TMEM38A: variants seen among roughly 807,000 people sequenced by gnomAD.
The protein encoded by TMEM38A is transmembrane protein 38A, also known as trimeric intracellular cation channel type A.
A neutral mutation model predicts 28.6 loss-of-function variants in TMEM38A; 17 were observed. That is an observed-to-expected ratio of 0.60 (90% CI 0.41 to 0.89). TMEM38A has a LOEUF of 0.89. Ranked by LOEUF, TMEM38A falls within the 40% of genes least tolerant of loss-of-function variation. The pLI, the probability that TMEM38A is intolerant of heterozygous loss-of-function variation, is 0.00. For missense variants in TMEM38A, 328 were observed against 393.1 expected, an observed-to-expected ratio of 0.83 and a Z score of 1.40; for synonymous variants, 169 against 166.1, an observed-to-expected ratio of 1.02 and a Z score of -0.14.
At chr19:16,687,040 A>G (rs1021150297) in intron 5 of TMEM38A, among the ~76,000 whole-genome samples, 2 of 152,186 alleles carry the variant, frequency 1.3e-5, no homozygotes, top group African/African-American at 4.8e-5. Flanking sequence ...TGGCTTAGAA[A>G]CAACAGAAAT....
intron 1 of TMEM38A, among the ~76,000 whole-genome samples, chr19:16,677,134 C>A (rs1473302412): frequency 6.6e-6 from 1 of 150,710 alleles, no homozygotes; most frequent in Admixed American, 6.6e-5. Flanking sequence ...GTTTTCAAGC[C>A]CCCTTCTTTT....
rs765959119 is a variant in TMEM38A at position 16,680,108 on chromosome 19, C to G, written c.249C>G (p.Asn83Lys). The change falls in exon 2 of 6, where the codon AAC (asparagine) becomes AAG (lysine). Residue 83 changes from asparagine to lysine, a missense_variant. Physicochemically the swap from Asn to Lys is moderately conservative, Grantham distance 94 (BLOSUM62 0). Transcript: ENST00000187762. Reference protein sequence around the residue: ...LGEPLIDYFSNNSSILLASAV... With the variant: ...LGEPLIDYFSKNSSILLASAV... ...AGCCACTGATCGATTACTTCAGCAA[C>G]AACTCCAGCATCCTGCTGGCCTCAG... The G allele has an allele frequency of 3.8e-5, 61 of 1,610,212 alleles. No individual in the cohort carries two copies. Among genetic ancestry groups the G allele is most frequent in the Non-Finnish European group, 4.7e-5 (56 of 1,180,014 alleles).
At chr19:16,671,223 T>TTTTTTTTTTTTTTTTTG (rs2086726256) in intron 1 of TMEM38A, among the ~76,000 whole-genome samples, 1 of 122,630 alleles carries the variant, frequency 8.2e-6, no homozygotes, top group Non-Finnish European at 1.7e-5. Context: ...TTTTTTTTTT[T>TTTTTTTTTTTTTTTTTG]GAGGCGGAGT....
Position 16,661,296 on chromosome 19 carries a change from C to A in TMEM38A, c.79C>A (p.Leu27Ile). Reference protein sequence around the residue: ...SRVPLFPVFDLSYFIVSILYL... With the variant: ...SRVPLFPVFDISYFIVSILYL... ...GGTGCCGCTCTTCCCCGTCTTCGAC[C>A]TCAGTTACTTCATCGTCTCCATCCT... The change falls in exon 1 of 6, where the codon CTC becomes ATC. Residue 27 changes from leucine (L) to isoleucine (I), a missense_variant. Transcript: ENST00000187762. This position sits in a 1 kb window ranked among gnomAD's most constrained non-coding sequence, Gnocchi z 6.5. 1 of 1,599,892 alleles carries A rather than the reference C, an allele frequency of 6.3e-7. No homozygotes were observed. The highest frequency in any genetic ancestry group is 1.1e-5 in the South Asian group (1 of 89,350).
In TMEM38A at chr19:16,670,179, A is replaced by G. The variant is rs1360386584; in HGVS notation, c.124+8838A>G. Among the ~76,000 whole-genome samples, 5 of 151,088 alleles carry G rather than the reference A, an allele frequency of 3.3e-5. No individual in the cohort carries two copies. In the East Asian group the frequency reaches 7.8e-4, roughly 24 times the overall value. On this transcript the variant is annotated intron_variant, in intron 1 of 5. Transcript: ENST00000187762. ...GAGATGGGGTTTCATTCTATTGGCC[A>G]GGCTGATCTCGAATTCCTGACCTTG...
intron 1 of TMEM38A, among the ~76,000 whole-genome samples, chr19:16,679,167 A>T (rs2086766514): frequency 1.2e-5 from 1 of 83,072 alleles, no homozygotes; most frequent in Non-Finnish European, 2.3e-5. Context: ...AAAAAAAGTT[A>T]AAAAAAAAAA....
chr19:16,666,908 G>A (rs945629259), intron 1 of TMEM38A, among the ~76,000 whole-genome samples: 1 of 149,782 alleles, frequency 6.7e-6, no homozygotes, highest in Admixed American at 6.7e-5. Flanking sequence ...AGCTGAGATC[G>A]CACCACTGCA....
intron 1 of TMEM38A, among the ~76,000 whole-genome samples, chr19:16,676,397 C>G (rs1214395427): frequency 1.3e-5 from 2 of 152,174 alleles, no homozygotes; most frequent in Admixed American, 1.3e-4. Flanking sequence ...ACCTTGTTAT[C>G]TCATGTCAAT....
chr19:16,662,525 C>T (rs1234782769), intron 1 of TMEM38A, among the ~76,000 whole-genome samples: 1 of 141,302 alleles, frequency 7.1e-6, no homozygotes, highest in Admixed American at 7.6e-5. Flanking sequence ...GTGATCTCGG[C>T]TCACTGCAAC....
At position 16,661,873 on chromosome 19, in the gene TMEM38A, C is replaced by T. The variant is rs1417171541; in HGVS notation, c.124+532C>T. On this transcript the variant is annotated intron_variant, in intron 1 of 5. Coordinates refer to ENST00000187762, the MANE Select transcript of TMEM38A (RefSeq NM_024074.4). The surrounding 1 kb of genome is among the most constrained non-coding windows in gnomAD (Gnocchi z 6.5). ...GCACCCTCCACTCCCCTCCCTTCCC[C>T]CACGGTGCTGAATCTCCGAGCCCCC... 6.6e-6 allele frequency among the ~76,000 whole-genome samples: 1 copy of T among 152,102 alleles called. No homozygotes were observed.
rs183206033 is a variant in TMEM38A, at chr19:16,681,009, C to T, written c.466+428C>T. 5.0e-3 allele frequency: 858 copies of T among 172,510 alleles called. 6 individuals carry two copies. The highest frequency in any genetic ancestry group is 6.7e-3 in the Non-Finnish European group (528 of 79,206). 10.7% of individuals were successfully genotyped at this position (172,510 alleles called of 1,614,324 possible). A position where few individuals can be genotyped will look rare whatever the true frequency, so the allele number is the denominator to read the frequency against. ...TGTCTCCAGACATTGCTAAACGCCTCCTAGAGGGCAAAATGGCTGCAGGTG... is the reference window on the plus strand; with the variant it reads ...TGTCTCCAGACATTGCTAAACGCCTTCTAGAGGGCAAAATGGCTGCAGGTG... On this transcript the variant is annotated intron_variant, in intron 3 of 5. Coordinates refer to ENST00000187762, the MANE Select transcript of TMEM38A (RefSeq NM_024074.4).
Position 16,661,476 on chromosome 19 carries a change from T to C in TMEM38A, c.124+135T>C. On this transcript the variant is annotated intron_variant, in intron 1 of 5. Coordinates refer to ENST00000187762, the MANE Select transcript of TMEM38A (RefSeq NM_024074.4). The surrounding 1 kb of genome is among the most constrained non-coding windows in gnomAD (Gnocchi z 6.5). ...AGGTTCAAGGATTGCATCGTGGGAGTAGGCAGGCGCTAGAATCGTGGGGTT... is the reference window on the plus strand; with the variant it reads ...AGGTTCAAGGATTGCATCGTGGGAGCAGGCAGGCGCTAGAATCGTGGGGTT... 1.4e-6 allele frequency: 1 copy of C among 711,778 alleles called. No individual in the cohort carries two copies. The highest frequency in any genetic ancestry group is 3.6e-5 in the East Asian group (1 of 27,572). The allele number at this position is 711,778 out of a possible 1,614,324, so 44.1% of individuals were successfully genotyped here.
chr19:16,670,875 G>T (rs2086724333), intron 1 of TMEM38A, among the ~76,000 whole-genome samples: 1 of 152,036 alleles, frequency 6.6e-6, no homozygotes, highest in South Asian at 2.1e-4. Context: ...GGAGGTGGAG[G>T]TTGCATCAAG....
At chr19:16,666,043 C>T (rs557546948) in intron 1 of TMEM38A, among the ~76,000 whole-genome samples, 5 of 152,042 alleles carry the variant, frequency 3.3e-5, no homozygotes, top group East Asian at 3.9e-4. Context: ...TGCAGTGGCT[C>T]GATCCCGGCT....
intron 1 of TMEM38A, among the ~76,000 whole-genome samples, chr19:16,673,188 TCTC>T (rs2086735094): frequency 6.6e-6 from 1 of 152,126 alleles, no homozygotes; most frequent in South Asian, 2.1e-4. Context: ...TTCAAGCGAT[TCTC>T]CTACCTCAGC....
intron 1 of TMEM38A, among the ~76,000 whole-genome samples, chr19:16,679,252 C>CGTGTGTGTGTGTGTGT (rs35543309): frequency 2.3e-5 from 3 of 128,390 alleles, no homozygotes; most frequent in East Asian, 4.6e-4. Flanking sequence ...TCTTTTGTTT[C>CGTGTGTGTGTGTGTGT]GTGTGTGTGT....
chr19:16,671,465 T>C (rs1400481573), intron 1 of TMEM38A, among the ~76,000 whole-genome samples: 34 of 152,062 alleles, frequency 2.2e-4, no homozygotes, highest in Non-Finnish European at 1.5e-4. Context: ...TGCCTCGGCC[T>C]CCCAGAATGC....
At chr19:16,665,271 G>A (rs537639447) in intron 1 of TMEM38A, among the ~76,000 whole-genome samples, 1 of 152,256 alleles carries the variant, frequency 6.6e-6, no homozygotes, top group African/African-American at 2.4e-5. Flanking sequence ...TCCAGCCTGG[G>A]CAACAAGAAT....
At chr19:16,669,549 C>T (rs149705177) in intron 1 of TMEM38A, among the ~76,000 whole-genome samples, 17 of 152,206 alleles carry the variant, frequency 1.1e-4, no homozygotes, top group Non-Finnish European at 2.5e-4. Flanking sequence ...CAAAGAAAAC[C>T]ATTCTTTGAT....
Sources: allele counts gnomAD v4.1 joint callset (sites outside exome capture counted in the v4.1 genomes callset), GRCh38; gene constraint gnomAD v4.1.1; non-coding constraint Gnocchi (gnomAD v3.1); transcripts MANE v1.5; gene names NCBI Gene and HGNC (gene_info 2026-07-23, HGNC 2026-07-21).